Variants in INPP5A observed in about 807,000 individuals in gnomAD.
The protein encoded by INPP5A is inositol polyphosphate-5-phosphatase A.
A neutral mutation model predicts 65.2 loss-of-function variants in INPP5A; 14 were observed. The observed-to-expected ratio is 0.21, with a 90% CI of 0.14 to 0.34. The LOEUF (loss-of-function observed/expected upper bound fraction) is 0.34, where lower values mean the gene tolerates loss of function less well. Ranked by LOEUF, INPP5A falls within the 10% of genes least tolerant of loss-of-function variation. The probability of loss-of-function intolerance (pLI) is 1.00; values close to 1 mark genes in which losing one functional copy is unlikely to be tolerated. For synonymous variants in INPP5A, 207 were observed against 208.3 expected (o/e 0.99, Z 0.05); for missense variants, 431 against 545.6 (o/e 0.79, Z 2.09).
chr10:132,719,649 A>G lies in INPP5A; in HGVS notation c.648-7172A>G, dbSNP rs1423310225. Reference sequence around the variant, plus strand: ...ACAGCTGTCTTGCGGGTTCTGTGGTACCTGGGTTCTGTCTGGGCACCTTAG... The same window carrying G: ...ACAGCTGTCTTGCGGGTTCTGTGGTGCCTGGGTTCTGTCTGGGCACCTTAG... On this transcript the variant is annotated intron_variant, in intron 8 of 15. Transcript: ENST00000368594. Among the ~76,000 whole-genome samples the G allele has an allele frequency of 6.7e-5, 9 of 134,120 alleles. No homozygotes were observed. In the East Asian group the frequency reaches 9.0e-4, roughly 13 times the overall value. 88.0% of individuals were successfully genotyped at this position (134,120 alleles called of 152,430 possible). A position where few individuals can be genotyped will look rare whatever the true frequency, so the allele number is the denominator to read the frequency against.
intron 1 of INPP5A, among the ~76,000 whole-genome samples, chr10:132,597,373 T>A (rs576421544): frequency 6.6e-6 from 1 of 152,362 alleles, no homozygotes; most frequent in East Asian, 1.9e-4. Context: ...CCATCTCCCC[T>A]GTTCCTGCAG....
In INPP5A at chr10:132,644,921, C is replaced by T. The variant is rs1377149445; in HGVS notation, c.118-947C>T. 1.3e-5 allele frequency among the ~76,000 whole-genome samples: 2 copies of T among 152,052 alleles called. No individual in the cohort carries two copies. Among genetic ancestry groups the T allele is most frequent in the Non-Finnish European group, 2.9e-5 (2 of 68,000 alleles). On this transcript the variant is annotated intron_variant, in intron 2 of 15. Transcript: ENST00000368594. This position sits in a 1 kb window ranked among gnomAD's most constrained non-coding sequence, Gnocchi z 6.5. Reference sequence around the variant, plus strand: ...GGACTCCCATGAGTGGCGAGGTGTGCGGTGTGGGGCAGTGGCTGGACTGAC... The same window carrying T: ...GGACTCCCATGAGTGGCGAGGTGTGTGGTGTGGGGCAGTGGCTGGACTGAC...
At chr10:132,554,084 T>G (rs1242724743) in intron 1 of INPP5A, among the ~76,000 whole-genome samples, 2 of 151,808 alleles carry the variant, frequency 1.3e-5, no homozygotes, top group African/African-American at 4.8e-5. Context: ...GAACACCTTC[T>G]CAGAGCCTTG....
intron 1 of INPP5A, among the ~76,000 whole-genome samples, chr10:132,589,542 C>A (rs2133311353): frequency 6.6e-6 from 1 of 152,398 alleles, no homozygotes; most frequent in South Asian, 2.1e-4. Context: ...CATTTTCTTC[C>A]TGTTGGGACG....
At chr10:132,767,492 G>A (rs930441499) in intron 12 of INPP5A, among the ~76,000 whole-genome samples, 2 of 152,178 alleles carry the variant, frequency 1.3e-5, no homozygotes, top group African/African-American at 2.4e-5. Flanking sequence ...CAGGCCTCTC[G>A]TCCTCCTCAC....
At chr10:132,712,606 G>A (rs1323261351) in intron 8 of INPP5A, among the ~76,000 whole-genome samples, 1 of 151,076 alleles carries the variant, frequency 6.6e-6, no homozygotes, top group Non-Finnish European at 1.5e-5. Context: ...GTGCGCGGGT[G>A]TGTGGGTGCA....
At chr10:132,579,017 C>T (rs527603689) in intron 1 of INPP5A, among the ~76,000 whole-genome samples, 2 of 152,314 alleles carry the variant, frequency 1.3e-5, no homozygotes, top group South Asian at 4.1e-4. Context: ...CCTCTTGTGC[C>T]TCGGTTTCCA....
intron 9 of INPP5A, among the ~76,000 whole-genome samples, chr10:132,729,795 C>A (rs1422875648): frequency 6.6e-6 from 1 of 152,242 alleles, no homozygotes; most frequent in Non-Finnish European, 1.5e-5. Context: ...TAACTTTAAA[C>A]ATCAAACTAC....
chr10:132,724,203 C>T (rs971719155), intron 8 of INPP5A, among the ~76,000 whole-genome samples: 2 of 152,040 alleles, frequency 1.3e-5, no homozygotes, highest in Admixed American at 6.5e-5. Flanking sequence ...TAGATTGTCT[C>T]AAAAAAACCC....
At chr10:132,645,321 C>T (rs1185917543) in intron 2 of INPP5A, among the ~76,000 whole-genome samples, 1 of 152,236 alleles carries the variant, frequency 6.6e-6, no homozygotes, top group East Asian at 1.9e-4. Flanking sequence ...TGTCGGCGTC[C>T]TCCCAGGCTG....
At chr10:132,677,572 T>G (rs1260827021) in intron 4 of INPP5A, among the ~76,000 whole-genome samples, 1 of 152,248 alleles carries the variant, frequency 6.6e-6, no homozygotes, top group Non-Finnish European at 1.5e-5. Context: ...CGCCCTCAGA[T>G]GTACCCCCTT....
rs577581935 is a variant in INPP5A at position 132,635,488 on chromosome 10, C to T, written c.118-10380C>T. On this transcript the variant is annotated intron_variant, in intron 2 of 15. Transcript: ENST00000368594. ...TTGGCTCACTGCAAACTCCGCCTCC[C>T]GGGTTCATGCCATTCTCCTGCCTCA... Among the ~76,000 whole-genome samples, 14 of 148,440 alleles carry T rather than the reference C, an allele frequency of 9.4e-5. No homozygotes were observed. The South Asian group carries it at 2.6e-3, about 27-fold the overall frequency.
intron 12 of INPP5A, among the ~76,000 whole-genome samples, chr10:132,771,588 A>G (rs1414095442): frequency 5.3e-5 from 8 of 151,730 alleles, no homozygotes; most frequent in Non-Finnish European, 1.2e-4. Flanking sequence ...AAAACTTGGA[A>G]GTATCCCCAG....
intron 1 of INPP5A, among the ~76,000 whole-genome samples, chr10:132,595,184 G>A (rs2071669643): frequency 6.6e-6 from 1 of 152,162 alleles, no homozygotes; most frequent in South Asian, 2.1e-4. Flanking sequence ...GAGTCCCCGC[G>A]GACCCTCAGG....
intron 1 of INPP5A, among the ~76,000 whole-genome samples, chr10:132,598,321 A>G (rs1005762313): frequency 9.9e-5 from 15 of 152,234 alleles, no homozygotes; most frequent in Admixed American, 6.5e-5. Flanking sequence ...ATAATGTTGC[A>G]TAACCATCAC....
chr10:132,686,008 T>C (rs571043350), intron 4 of INPP5A, among the ~76,000 whole-genome samples: 118 of 152,346 alleles, frequency 7.7e-4, no homozygotes, highest in Admixed American at 3.1e-3. Context: ...GTACGCAGGG[T>C]TCGTTGCGCC....
intron 8 of INPP5A, among the ~76,000 whole-genome samples, chr10:132,717,325 G>T (rs1242603747): frequency 2.1e-5 from 3 of 145,896 alleles, no homozygotes; most frequent in Admixed American, 6.7e-5. Context: ...GGGTGGGGAA[G>T]TCAGGGGGCC....
chr10:132,641,006 T>C (rs1366096211), intron 2 of INPP5A, among the ~76,000 whole-genome samples: 2 of 152,268 alleles, frequency 1.3e-5, no homozygotes. Flanking sequence ...AGGCATGTAC[T>C]CTGTTCACCC....
chr10:132,693,721 C>A (rs887386552), intron 5 of INPP5A, among the ~76,000 whole-genome samples: 1 of 152,076 alleles, frequency 6.6e-6, no homozygotes, highest in African/African-American at 2.4e-5. Flanking sequence ...ACAAATTATT[C>A]ATGTCAGAAA....
Sources: allele counts gnomAD v4.1 joint callset (sites outside exome capture counted in the v4.1 genomes callset), GRCh38; gene constraint gnomAD v4.1.1; non-coding constraint Gnocchi (gnomAD v3.1); transcripts MANE v1.5; gene names NCBI Gene and HGNC (gene_info 2026-07-23, HGNC 2026-07-21).